Variants in CSNK1G1 observed in about 807,000 individuals in gnomAD.
CSNK1G1 encodes the protein casein kinase I isoform gamma-1.
Under a neutral mutation model 59.6 loss-of-function variants are expected in CSNK1G1, and 22 were observed. The observed-to-expected ratio is 0.37, with a 90% CI of 0.26 to 0.53. The LOEUF (loss-of-function observed/expected upper bound fraction) is 0.53, where lower values mean the gene tolerates loss of function less well. Ranked by LOEUF, CSNK1G1 falls within the 20% of genes least tolerant of loss-of-function variation. CSNK1G1 has a pLI of 0.89. For synonymous variants in CSNK1G1, 179 were observed against 177.1 expected (o/e 1.01, Z -0.08); for missense variants, 384 against 519.5 (o/e 0.74, Z 2.54).
At chr15:64,206,570 G>C (rs891635646) in intron 7 of CSNK1G1, among the ~76,000 whole-genome samples, 1 of 101,040 alleles carries the variant, frequency 9.9e-6, no homozygotes, top group Non-Finnish European at 1.8e-5. Flanking sequence ...CTGGGAAACA[G>C]AGTGAAACTC....
In CSNK1G1 at chr15:64,281,677, A is replaced by T. The variant is rs546028329; in HGVS notation, c.181+18642T>A. 6.6e-5 allele frequency among the ~76,000 whole-genome samples: 10 copies of T among 152,142 alleles called. No individual in the cohort carries two copies. In the East Asian group the frequency reaches 7.7e-4, roughly 12 times the overall value. On this transcript the variant is annotated intron_variant, in intron 2 of 11. Coordinates refer to ENST00000303052, the MANE Select transcript of CSNK1G1 (RefSeq NM_022048.5). ...ACATGGCAAAACCCCATCTCTATTT[A>T]AAAAATACAAAAATTAGCTGGGCGT...
chr15:64,339,349 C>T (rs898448420), intron 1 of CSNK1G1, among the ~76,000 whole-genome samples: 5 of 152,090 alleles, frequency 3.3e-5, no homozygotes, highest in African/African-American at 1.2e-4. Flanking sequence ...GTCTCACTCT[C>T]TCGCCCAAGG....
chr15:64,326,487 T>C lies in CSNK1G1; in HGVS notation c.-224-25764A>G, dbSNP rs554300156. On this transcript the variant is annotated intron_variant, in intron 1 of 11. Coordinates refer to ENST00000303052, the MANE Select transcript of CSNK1G1 (RefSeq NM_022048.5). The stretch of plus-strand genomic sequence containing the variant: ...GGTGAAACTCCGTCTCTACTAAAAA[T>C]ACAACAATTAGCCGGGCATGGTGGC... Among the ~76,000 whole-genome samples the C allele has an allele frequency of 2.6e-5, 4 of 152,122 alleles. No individual in the cohort carries two copies. The East Asian group carries it at 7.8e-4, about 30-fold the overall frequency.
At chr15:64,177,758 G>A (rs1377464693) in intron 11 of CSNK1G1, among the ~76,000 whole-genome samples, 1 of 152,142 alleles carries the variant, frequency 6.6e-6, no homozygotes, top group Non-Finnish European at 1.5e-5. Context: ...TACACAATTA[G>A]TATACACATT....
intron 10 of CSNK1G1, among the ~76,000 whole-genome samples, chr15:64,202,215 A>C (rs2140245784): frequency 6.6e-6 from 1 of 152,258 alleles, no homozygotes; most frequent in East Asian, 1.9e-4. Flanking sequence ...TTGCCCGGGT[A>C]GAAGAACAAG....
chr15:64,204,941 T>G lies in CSNK1G1; in HGVS notation c.774A>C (p.Thr258=). 1 of 1,586,198 alleles carries G rather than the reference T, an allele frequency of 6.3e-7. No individual in the cohort carries two copies. The change falls in exon 8 of 12, where the codon ACA becomes ACC. Residue 258 remains threonine, a synonymous_variant. Transcript: ENST00000303052. ...SLPWQGLKAD[T]LKERYQKIGD... ...CAATTTTTTGATATCTCTCTTTTAATGTGTCAGCCTGTAGAGAGTAAAGAG... is the reference window on the plus strand; with the variant it reads ...CAATTTTTTGATATCTCTCTTTTAAGGTGTCAGCCTGTAGAGAGTAAAGAG...
At chr15:64,299,033 C>A (rs1895175862) in intron 2 of CSNK1G1, among the ~76,000 whole-genome samples, 1 of 151,974 alleles carries the variant, frequency 6.6e-6, no homozygotes, top group African/African-American at 2.4e-5. Flanking sequence ...GAGCAACACT[C>A]CATCTCAAAA....
intron 1 of CSNK1G1, among the ~76,000 whole-genome samples, chr15:64,326,090 T>A (rs1038408128): frequency 2.0e-5 from 3 of 152,206 alleles, no homozygotes; most frequent in Non-Finnish European, 2.9e-5. Context: ...AGTGGCACAA[T>A]CTTGGCTCAT....
At chr15:64,230,671 G>C (rs894041593) in intron 4 of CSNK1G1, among the ~76,000 whole-genome samples, 1 of 152,108 alleles carries the variant, frequency 6.6e-6, no homozygotes, top group East Asian at 1.9e-4. Flanking sequence ...GTCTGTGAGG[G>C]TATTTAAAAA....
intron 2 of CSNK1G1, among the ~76,000 whole-genome samples, chr15:64,286,359 T>TGTTATTGTTAACAATATTGTTAACAA (rs1566934073): frequency 2.9e-5 from 4 of 138,302 alleles, no homozygotes; most frequent in African/African-American, 1.0e-4. Flanking sequence ...ATTGTTAACA[T>TGTTATTGTTAACAATATTGTTAACAA]GTTATTGTTA....
At chr15:64,179,795 T>C (rs1404910821) in intron 11 of CSNK1G1, among the ~76,000 whole-genome samples, 1 of 152,208 alleles carries the variant, frequency 6.6e-6, no homozygotes, top group Non-Finnish European at 1.5e-5. Flanking sequence ...GGCAACCTCC[T>C]TACCCTCCTG....
chr15:64,265,407 T>C (rs1238579620), intron 2 of CSNK1G1, among the ~76,000 whole-genome samples: 2 of 152,178 alleles, frequency 1.3e-5, no homozygotes, highest in African/African-American at 4.8e-5. Flanking sequence ...GTTCTCATGA[T>C]AGTGAATAAG....
At chr15:64,298,242 C>T (rs1040865525) in intron 2 of CSNK1G1, among the ~76,000 whole-genome samples, 2 of 152,186 alleles carry the variant, frequency 1.3e-5, no homozygotes, top group Non-Finnish European at 2.9e-5. Context: ...ACTTTTAATT[C>T]ACCAAGGTTT....
At chr15:64,303,357 G>A (rs982565826) in intron 1 of CSNK1G1, among the ~76,000 whole-genome samples, 17 of 150,086 alleles carry the variant, frequency 1.1e-4, no homozygotes, top group African/African-American at 3.4e-4. Flanking sequence ...GCTCATCCAC[G>A]TAATCCCAGC....
intron 1 of CSNK1G1, among the ~76,000 whole-genome samples, chr15:64,318,592 G>A (rs1468287646): frequency 1.3e-5 from 2 of 149,182 alleles, no homozygotes; most frequent in Non-Finnish European, 3.0e-5. Flanking sequence ...TGTTGCCCAG[G>A]CTGGAGTGTG....
intron 8 of CSNK1G1, 33 bp downstream of exon 8, chr15:64,204,832 C>CA: frequency 7.0e-7 from 1 of 1,424,118 alleles, no homozygotes; most frequent in Non-Finnish European, 9.9e-7. Flanking sequence ...TTTCAAAGCT[C>CA]AGTCACACTG....
At chr15:64,179,576 C>A (rs2081784215) in intron 11 of CSNK1G1, among the ~76,000 whole-genome samples, 1 of 152,176 alleles carries the variant, frequency 6.6e-6, no homozygotes, top group Non-Finnish European at 1.5e-5. Flanking sequence ...CTCTCCCTAC[C>A]TGGTATCTTC....
chr15:64,284,462 A>G (rs1261077531), intron 2 of CSNK1G1, among the ~76,000 whole-genome samples: 2 of 152,188 alleles, frequency 1.3e-5, no homozygotes, highest in Non-Finnish European at 2.9e-5. Flanking sequence ...GGAATGTCTT[A>G]CCATGTAGTT....
chr15:64,350,210 T>C (rs966878930), intron 1 of CSNK1G1, among the ~76,000 whole-genome samples: 2 of 152,166 alleles, frequency 1.3e-5, no homozygotes, highest in African/African-American at 4.8e-5. Context: ...AATGGTTTTA[T>C]CGGCTGGTCG....
Sources: allele counts gnomAD v4.1 joint callset (sites outside exome capture counted in the v4.1 genomes callset), GRCh38; gene constraint gnomAD v4.1.1; transcripts MANE v1.5; gene names NCBI Gene and HGNC (gene_info 2026-07-23, HGNC 2026-07-21).